The following CTNNA2 variants were observed in gnomAD, a reference collection of about 807,000 sequenced individuals.
The protein encoded by CTNNA2 is catenin alpha 2.
A neutral mutation model predicts 101.0 loss-of-function variants in CTNNA2; 42 were observed. The ratio of observed to expected loss-of-function variants is 0.42; its 90% CI spans 0.32 to 0.54. The LOEUF (loss-of-function observed/expected upper bound fraction) is 0.54, where lower values mean the gene tolerates loss of function less well. Among genes scored for constraint, CTNNA2 ranks in the 20% least tolerant of loss-of-function variants. CTNNA2 has a pLI of 0.14. For missense variants in CTNNA2, 871 were observed against 1,223.1 expected (o/e 0.71, Z 4.29); for synonymous variants, 450 against 456.4 (o/e 0.99, Z 0.18).
intron 7 of CTNNA2, among the ~76,000 whole-genome samples, chr2:80,347,640 T>A (rs1366577713): frequency 6.6e-6 from 1 of 151,980 alleles, no homozygotes; most frequent in Non-Finnish European, 1.5e-5. Context: ...CAACAAACTG[T>A]ATCTGACATT....
rs141920787 is a variant in CTNNA2 at position 80,551,756 on chromosome 2, T to C, written c.1541-3937T>C. On this transcript the variant is annotated intron_variant, in intron 11 of 18. Transcript: ENST00000402739. ...TTCTATTTAGACCACTCAAACTTTCTCCATATTAGCAATAAGGCTGCTTCA... is the reference window on the plus strand; with the variant it reads ...TTCTATTTAGACCACTCAAACTTTCCCCATATTAGCAATAAGGCTGCTTCA... Among the ~76,000 whole-genome samples, 176 of 152,314 alleles carry C rather than the reference T, an allele frequency of 1.2e-3. 1 individual carries two copies. The highest frequency in any genetic ancestry group is 3.8e-3 in the African/African-American group (160 of 41,582).
intron 2 of CTNNA2, among the ~76,000 whole-genome samples, chr2:79,694,367 C>A (rs1038974861): frequency 6.6e-6 from 1 of 151,906 alleles, no homozygotes; most frequent in Non-Finnish European, 1.5e-5. Flanking sequence ...TGGGCATCAT[C>A]GTGATTGCAA....
intron 7 of CTNNA2, among the ~76,000 whole-genome samples, chr2:80,338,196 C>T (rs1671918910): frequency 6.6e-6 from 1 of 151,996 alleles, no homozygotes; most frequent in African/African-American, 2.4e-5. Flanking sequence ...GCCATGTTGG[C>T]CAGGCTGATC....
chr2:80,547,063 A>C (rs1243787175), intron 11 of CTNNA2, among the ~76,000 whole-genome samples: 1 of 152,212 alleles, frequency 6.6e-6, no homozygotes, highest in Non-Finnish European at 1.5e-5. Context: ...CTCTGACTGC[A>C]ACAGTGTGGA....
intron 2 of CTNNA2, among the ~76,000 whole-genome samples, chr2:79,198,291 T>G (rs888601120): frequency 1.3e-5 from 2 of 152,218 alleles, no homozygotes; most frequent in Middle Eastern, 3.2e-3. Flanking sequence ...AAATACATTT[T>G]CCTTTGTGCA....
chr2:79,185,994 G>A (rs772816178), intron 1 of CTNNA2, among the ~76,000 whole-genome samples: 4 of 152,164 alleles, frequency 2.6e-5, no homozygotes, highest in Non-Finnish European at 2.9e-5. Flanking sequence ...AAACTTAAAA[G>A]TGCCTGCCAG....
intron 4 of CTNNA2, among the ~76,000 whole-genome samples, chr2:79,462,476 C>T (rs1573177095): frequency 6.6e-6 from 1 of 152,192 alleles, no homozygotes; most frequent in South Asian, 2.1e-4. Flanking sequence ...TGATGTAAAT[C>T]CCTAAGGCCC....
chr2:80,060,621 C>CT lies in CTNNA2; in HGVS notation c.1056+150829dup, dbSNP rs1697521573. On this transcript the variant is annotated intron_variant, in intron 7 of 18. Coordinates refer to ENST00000402739, the MANE Select transcript of CTNNA2 (RefSeq NM_001282597.3). ...TGAAGAGTTGTATATTGTTTTCTCTCTTTTTCTCTTTTTATGTGCCTGGAC... is the reference window on the plus strand; with the variant it reads ...TGAAGAGTTGTATATTGTTTTCTCTCTTTTTTCTCTTTTTATGTGCCTGGAC... 3.3e-5 allele frequency among the ~76,000 whole-genome samples: 5 copies of CT among 152,126 alleles called. No individual in the cohort carries two copies. In the South Asian group the frequency reaches 8.3e-4, roughly 25 times the overall value.
rs145549182 is a variant in CTNNA2 at position 79,538,481 on chromosome 2, C to A, written c.-6+25274C>A. The stretch of plus-strand genomic sequence containing the variant: ...GAATTACTGGATTGTAATAGTGATA[C>A]AAAATACTGTGGAAGCATGGAGGAC... On this transcript the variant is annotated intron_variant, in intron 1 of 18. Coordinates refer to ENST00000402739, the MANE Select transcript of CTNNA2 (RefSeq NM_001282597.3). Among the ~76,000 whole-genome samples, 18 of 152,116 alleles carry A rather than the reference C, an allele frequency of 1.2e-4. 1 individual carries two copies. In the East Asian group the frequency reaches 3.5e-3, roughly 29 times the overall value.
intron 2 of CTNNA2, among the ~76,000 whole-genome samples, chr2:79,242,987 T>TACACACACACACAC (rs1409038168): frequency 9.2e-5 from 5 of 54,398 alleles, no homozygotes; most frequent in South Asian, 7.3e-4. Flanking sequence ...TATATATATA[T>TACACACACACACAC]ATATATACAC....
At chr2:80,037,416 C>T (rs1327826167) in intron 7 of CTNNA2, among the ~76,000 whole-genome samples, 1 of 152,196 alleles carries the variant, frequency 6.6e-6, no homozygotes, top group African/African-American at 2.4e-5. Context: ...GTCTCAGTTA[C>T]TGCATCATCG....
chr2:79,976,185 G>C (rs1394662089), intron 7 of CTNNA2, among the ~76,000 whole-genome samples: 1 of 152,132 alleles, frequency 6.6e-6, no homozygotes, highest in Non-Finnish European at 1.5e-5. Flanking sequence ...AATTTTATAA[G>C]CTTTTCTAAT....
At chr2:79,860,733 G>A (rs1681559681) in intron 4 of CTNNA2, among the ~76,000 whole-genome samples, 1 of 152,006 alleles carries the variant, frequency 6.6e-6, no homozygotes, top group African/African-American at 2.4e-5. Flanking sequence ...CTATCTTGTG[G>A]AGCAAGTGAG....
intron 6 of CTNNA2, among the ~76,000 whole-genome samples, chr2:79,884,945 G>T (rs1683735962): frequency 6.6e-6 from 1 of 151,980 alleles, no homozygotes; most frequent in Non-Finnish European, 1.5e-5. Context: ...TTGTCTACTG[G>T]GGGAGCACGG....
At chr2:80,393,455 T>C (rs887096369) in intron 8 of CTNNA2, among the ~76,000 whole-genome samples, 164 bp downstream of exon 8, 1 of 152,206 alleles carries the variant, frequency 6.6e-6, no homozygotes, top group African/African-American at 2.4e-5. Context: ...TAGAGATTGC[T>C]GGACAGAGAC....
At chr2:79,576,247 T>G (rs1164217727) in intron 1 of CTNNA2, among the ~76,000 whole-genome samples, 1 of 152,216 alleles carries the variant, frequency 6.6e-6, no homozygotes, top group Non-Finnish European at 1.5e-5. Flanking sequence ...GTTTGCTCTG[T>G]TAGAAATCAA....
intron 7 of CTNNA2, among the ~76,000 whole-genome samples, chr2:80,329,247 T>C (rs75743529): frequency 0.026 from 3,982 of 152,284 alleles, 175 homozygotes; most frequent in African/African-American, 0.089. Context: ...CTGGTGTTCA[T>C]GGAAAAATAT....
At chr2:80,556,690 T>C (rs2149661990) in intron 12 of CTNNA2, among the ~76,000 whole-genome samples, 1 of 151,834 alleles carries the variant, frequency 6.6e-6, no homozygotes, top group African/African-American at 2.4e-5. Flanking sequence ...GTCTTTTGGC[T>C]TCCTCAGGCC....
chr2:80,070,117 C>A (rs1406224265), intron 7 of CTNNA2, among the ~76,000 whole-genome samples: 1 of 152,206 alleles, frequency 6.6e-6, no homozygotes, highest in African/African-American at 2.4e-5. Context: ...AGTCTATTCA[C>A]TCATAGGCAC....
Sources: allele counts gnomAD v4.1 joint callset (sites outside exome capture counted in the v4.1 genomes callset), GRCh38; gene constraint gnomAD v4.1.1; transcripts MANE v1.5; gene names NCBI Gene and HGNC (gene_info 2026-07-23, HGNC 2026-07-21).